MAPRE2: variants seen among roughly 807,000 people sequenced by gnomAD.
The protein encoded by MAPRE2 is microtubule-associated protein RP/EB family member 2.
Under a neutral mutation model 43.2 loss-of-function variants are expected in MAPRE2, and 13 were observed. The ratio of observed to expected loss-of-function variants is 0.30; its 90% CI spans 0.20 to 0.48. MAPRE2 has a LOEUF of 0.48. Among genes scored for constraint, MAPRE2 ranks in the 20% least tolerant of loss-of-function variants. MAPRE2 has a pLI of 0.99. For synonymous variants in MAPRE2, 135 were observed against 148.8 expected (o/e 0.91, Z 0.68); for missense variants, 161 against 400.2 (o/e 0.40, Z 5.10).
chr18:35,069,901 C>G (rs146538694), intron 1 of MAPRE2, among the ~76,000 whole-genome samples: 2 of 152,026 alleles, frequency 1.3e-5, no homozygotes, highest in African/African-American at 2.4e-5. Context: ...TAATATCACA[C>G]GTAGACTTAC....
At chr18:34,987,927 G>A (rs1025826876) in intron 1 of MAPRE2, among the ~76,000 whole-genome samples, 4 of 152,274 alleles carry the variant, frequency 2.6e-5, no homozygotes, top group East Asian at 3.9e-4. Context: ...ACAGGCATGA[G>A]CCACCGCACC....
intron 2 of MAPRE2, among the ~76,000 whole-genome samples, chr18:35,030,925 G>A (rs1402859744): frequency 6.6e-6 from 1 of 152,086 alleles, no homozygotes; most frequent in Non-Finnish European, 1.5e-5. Flanking sequence ...TGCACTTTCT[G>A]TTGGCTCTAC....
intron 6 of MAPRE2, among the ~76,000 whole-genome samples, chr18:35,139,557 G>T (rs1193129887): frequency 1.3e-5 from 2 of 152,186 alleles, no homozygotes; most frequent in Non-Finnish European, 2.9e-5. Context: ...CTGATTCTCA[G>T]TTGATAAACA....
At chr18:35,087,216 C>T (rs1017758289) in intron 2 of MAPRE2, among the ~76,000 whole-genome samples, 2 of 152,148 alleles carry the variant, frequency 1.3e-5, no homozygotes, top group South Asian at 4.1e-4. Context: ...TGAAACCAAT[C>T]TTAGGGCTGC....
intron 1 of MAPRE2, among the ~76,000 whole-genome samples, chr18:35,062,077 C>A (rs1906560925): frequency 6.6e-6 from 1 of 152,206 alleles, no homozygotes; most frequent in Admixed American, 6.5e-5. Flanking sequence ...GATTTAACAT[C>A]AGCCTTTTGT....
At chr18:35,138,167 C>T (rs1910472089) in intron 6 of MAPRE2, among the ~76,000 whole-genome samples, 1 of 152,160 alleles carries the variant, frequency 6.6e-6, no homozygotes, top group African/African-American at 2.4e-5. Context: ...GCCAAGAGCA[C>T]AGCTGCTGTG....
intron 2 of MAPRE2, among the ~76,000 whole-genome samples, chr18:35,071,330 A>G (rs1398248465): frequency 1.3e-5 from 2 of 152,194 alleles, no homozygotes; most frequent in Admixed American, 1.3e-4. Flanking sequence ...GTGGTGAGCT[A>G]TGATTGTACC....
chr18:35,127,098 A>C lies in MAPRE2; in HGVS notation c.750+11A>C, dbSNP rs370024503. 4 of 1,614,090 alleles carry C rather than the reference A, an allele frequency of 2.5e-6. No homozygotes were observed. The African/African-American group carries it at 4.0e-5, about 16-fold the overall frequency. On this transcript the variant is annotated intron_variant, in intron 5 of 6. Coordinates refer to ENST00000300249, the MANE Select transcript of MAPRE2 (RefSeq NM_014268.4). ...CAGCTTAATGAACAGGTAATGCATC[A>C]GCTCTGGCCACGCCTCTAGGAGCAG...
rs1430940404 is a variant in MAPRE2 at position 34,984,929 on chromosome 18, ATGT to A, written c.-70+7852_-70+7854del. 2.5e-3 allele frequency among the ~76,000 whole-genome samples: 29 copies of A among 11,416 alleles called. 3 individuals carry two copies. In the East Asian group the frequency reaches 0.083, roughly 33 times the overall value. The allele number at this position is 11,416 out of a possible 152,430, so 7.5% of individuals were successfully genotyped here. ...TGTTATATAATATATAATATATTTT[ATGT>A]TATATAATATATAAAATATATTATA... On this transcript the variant is annotated intron_variant, in intron 1 of 7. Transcript: ENST00000413393.
chr18:35,067,082 C>T (rs1906870402), intron 1 of MAPRE2, among the ~76,000 whole-genome samples: 1 of 152,212 alleles, frequency 6.6e-6, no homozygotes, highest in Non-Finnish European at 1.5e-5. Context: ...AGTTATCCCA[C>T]AGGTCCCTTA....
chr18:35,039,200 T>C (rs1427488251), upstream of MAPRE2, among the ~76,000 whole-genome samples: 1 of 152,238 alleles, frequency 6.6e-6, no homozygotes, highest in Non-Finnish European at 1.5e-5. Context: ...AAATATTTGA[T>C]TTGTAGACTG....
At chr18:35,098,893 C>T (rs1908547928) in intron 3 of MAPRE2, among the ~76,000 whole-genome samples, 1 of 152,234 alleles carries the variant, frequency 6.6e-6, no homozygotes, top group Non-Finnish European at 1.5e-5. Context: ...TGGAAGGAGA[C>T]TGGCCATGAT....
intron 1 of MAPRE2, among the ~76,000 whole-genome samples, chr18:34,989,613 A>C (rs2097022733): frequency 6.6e-6 from 1 of 152,140 alleles, no homozygotes; most frequent in Non-Finnish European, 1.5e-5. Context: ...TGGAAGGCTG[A>C]GGCAGGAGGA....
Position 35,045,225 on chromosome 18 carries a change from G to A in MAPRE2, c.122+3564G>A, listed in dbSNP as rs537194850. On this transcript the variant is annotated intron_variant, in intron 1 of 6. Transcript: ENST00000300249. ...GGTGACACTGTTTAATTCACAGAGC[G>A]AATGAGTCGTGCTCTGGATCTCCCT... Among the ~76,000 whole-genome samples, 5 of 152,294 alleles carry A rather than the reference G, an allele frequency of 3.3e-5. No individual in the cohort carries two copies. The East Asian group carries it at 5.8e-4, about 18-fold the overall frequency.
At chr18:35,110,107 C>T (rs755846691) in intron 4 of MAPRE2, among the ~76,000 whole-genome samples, 1 of 151,998 alleles carries the variant, frequency 6.6e-6, no homozygotes, top group Non-Finnish European at 1.5e-5. Flanking sequence ...ACCCTGCAGC[C>T]ACCCCTATAG....
At chr18:35,062,650 G>T (rs1372730228) in intron 1 of MAPRE2, among the ~76,000 whole-genome samples, 1 of 152,154 alleles carries the variant, frequency 6.6e-6, no homozygotes, top group Non-Finnish European at 1.5e-5. Context: ...TGGATCACAG[G>T]TCCTTCTCCC....
chr18:34,981,591 C>G (rs376939342), intron 1 of MAPRE2, among the ~76,000 whole-genome samples: 4 of 152,104 alleles, frequency 2.6e-5, no homozygotes, highest in African/African-American at 9.7e-5. Context: ...GCCCTTTGGT[C>G]TTACTAACAT....
chr18:34,978,100 A>G (rs1257572240), intron 1 of MAPRE2: 6 of 250,882 alleles, frequency 2.4e-5, no homozygotes, highest in South Asian at 4.2e-5. Context: ...CTGGGTCAGT[A>G]GCGCTGGGAG....
chr18:35,137,826 G>C (rs113585585), intron 6 of MAPRE2, among the ~76,000 whole-genome samples: 1 of 152,182 alleles, frequency 6.6e-6, no homozygotes, highest in South Asian at 2.1e-4. Flanking sequence ...CCATTATCTC[G>C]GGGCTGCAGG....
Sources: allele counts gnomAD v4.1 joint callset (sites outside exome capture counted in the v4.1 genomes callset), GRCh38; gene constraint gnomAD v4.1.1; transcripts MANE v1.5; gene names NCBI Gene and HGNC (gene_info 2026-07-23, HGNC 2026-07-21).